ARMH3: variants seen among roughly 807,000 people sequenced by gnomAD.
ARMH3 encodes armadillo like helical domain containing 3.
Under a neutral mutation model 99.1 loss-of-function variants are expected in ARMH3, and 60 were observed. That is an observed-to-expected ratio of 0.61 (90% CI 0.49 to 0.75). The LOEUF (loss-of-function observed/expected upper bound fraction) is 0.75, where lower values mean the gene tolerates loss of function less well. Among genes scored for constraint, ARMH3 ranks in the 30% least tolerant of loss-of-function variants. ARMH3 has a pLI of 0.00. For synonymous variants in ARMH3, 285 were observed against 292.8 expected, an observed-to-expected ratio of 0.97 and a Z score of 0.27; for missense variants, 679 against 843.1, an observed-to-expected ratio of 0.81 and a Z score of 2.41.
In ARMH3 at chr10:101,986,188, T is replaced by C. The variant is rs74789021; in HGVS notation, c.1406+4363A>G. Among the ~76,000 whole-genome samples the C allele has an allele frequency of 9.3e-3, 1,418 of 152,304 alleles. 17 individuals carry two copies. The highest frequency in any genetic ancestry group is 0.032 in the African/African-American group (1,346 of 41,570). On this transcript the variant is annotated intron_variant, in intron 19 of 25. Coordinates refer to ENST00000370033, the MANE Select transcript of ARMH3 (RefSeq NM_024541.3). Reference sequence around the variant, plus strand: ...ATGAGTTCCACTTTCTCCTGAAATCTTCCTGTAGGACCCACTGAAGTCTGT... The same window carrying C: ...ATGAGTTCCACTTTCTCCTGAAATCCTCCTGTAGGACCCACTGAAGTCTGT...
intron 24 of ARMH3, among the ~76,000 whole-genome samples, chr10:101,877,740 T>A (rs2067305084): frequency 6.6e-6 from 1 of 152,136 alleles, no homozygotes; most frequent in Non-Finnish European, 1.5e-5. Context: ...GCACTGCCAA[T>A]GAAGCTTCAC....
chr10:101,960,889 CAA>C (rs36000408), intron 20 of ARMH3, among the ~76,000 whole-genome samples: 29 of 74,532 alleles, frequency 3.9e-4, no homozygotes, highest in African/African-American at 4.5e-4. Flanking sequence ...AACTCCGTCT[CAA>C]AAAAAAAAAA....
At chr10:101,956,543 T>G in intron 22 of ARMH3, 54 bp downstream of exon 22, 1 of 1,588,690 alleles carries the variant, frequency 6.3e-7, no homozygotes. Context: ...TCCTCTTATA[T>G]GCCAAAAGCT....
intron 19 of ARMH3, among the ~76,000 whole-genome samples, chr10:101,984,587 A>G (rs1017765717): frequency 1.3e-5 from 2 of 152,208 alleles, no homozygotes; most frequent in Non-Finnish European, 2.9e-5. Flanking sequence ...CAGAGCACCA[A>G]TGAGATGCGA....
intron 22 of ARMH3, among the ~76,000 whole-genome samples, chr10:101,955,724 C>G (rs1033956413): frequency 1.3e-5 from 2 of 151,948 alleles, no homozygotes; most frequent in Admixed American, 1.3e-4. Context: ...CAGTGGTTGC[C>G]CAGGGATGAG....
intron 1 of ARMH3, among the ~76,000 whole-genome samples, chr10:102,055,877 T>C (rs1382837382): frequency 6.6e-6 from 1 of 152,182 alleles, no homozygotes; most frequent in South Asian, 2.1e-4. Context: ...CGTTTCTCTC[T>C]AGGCTCGGCC....
rs1172398707 is a variant in ARMH3 at position 101,897,259 on chromosome 10, C to T, written c.1782-7769G>A. The stretch of plus-strand genomic sequence containing the variant: ...ACCTCTAGCTTCTCTGAAACTTGAA[C>T]TAAAAGCTCCAAGACAGCAGGTACC... On this transcript the variant is annotated intron_variant, in intron 23 of 25. Transcript: ENST00000370033. Among the ~76,000 whole-genome samples the T allele has an allele frequency of 3.9e-5, 6 of 152,206 alleles. No individual in the cohort carries two copies. In the East Asian group the frequency reaches 1.2e-3, roughly 29 times the overall value.
intron 24 of ARMH3, among the ~76,000 whole-genome samples, chr10:101,871,025 A>G (rs2067119736): frequency 6.6e-6 from 1 of 152,210 alleles, no homozygotes; most frequent in Admixed American, 6.5e-5. Context: ...AAAAAAGTCA[A>G]TTAAAAAACA....
chr10:101,939,479 A>G (rs905099973), intron 23 of ARMH3, among the ~76,000 whole-genome samples: 3 of 152,242 alleles, frequency 2.0e-5, no homozygotes, highest in African/African-American at 7.2e-5. Flanking sequence ...AGAAATAGTC[A>G]CGTAAAGTAA....
At chr10:102,039,699 A>C (rs948683019) in intron 2 of ARMH3, among the ~76,000 whole-genome samples, 13 of 152,234 alleles carry the variant, frequency 8.5e-5, no homozygotes, top group Non-Finnish European at 1.6e-4. Flanking sequence ...CCTAAGTTAG[A>C]GCATAAGGAG....
At chr10:101,940,915 G>C (rs960806660) in intron 22 of ARMH3, among the ~76,000 whole-genome samples, 9 of 152,160 alleles carry the variant, frequency 5.9e-5, no homozygotes, top group Non-Finnish European at 1.3e-4. Context: ...AGTGCTCCTT[G>C]AAAGAGCAAG....
intron 22 of ARMH3, 27 bp downstream of exon 22, chr10:101,956,570 G>A (rs1321360121): frequency 6.2e-7 from 1 of 1,610,304 alleles, no homozygotes. Context: ...ATGGTGGAGA[G>A]AGGAGTAAAA....
chr10:101,966,285 GTTTTTTTTTTTTTT>G (rs34196495), intron 20 of ARMH3, among the ~76,000 whole-genome samples: 4 of 80,660 alleles, frequency 5.0e-5, no homozygotes, highest in South Asian at 8.2e-4. Flanking sequence ...TTTGGTTTGG[GTTTTTTTTTTTTTT>G]TTTTTTTTTT....
intron 5 of ARMH3, among the ~76,000 whole-genome samples, chr10:102,027,545 G>C (rs888001554): frequency 2.0e-5 from 3 of 151,996 alleles, no homozygotes; most frequent in Admixed American, 1.3e-4. Flanking sequence ...CTCCATTCTG[G>C]ATATATCAAG....
chr10:101,976,936 A>C (rs144422112), intron 19 of ARMH3, among the ~76,000 whole-genome samples: 234 of 152,288 alleles, frequency 1.5e-3, no homozygotes, highest in African/African-American at 5.2e-3. Flanking sequence ...TACAGGCACG[A>C]GCCACCATGC....
intron 23 of ARMH3, among the ~76,000 whole-genome samples, chr10:101,910,898 G>C (rs894577176): frequency 1.3e-5 from 2 of 151,758 alleles, no homozygotes; most frequent in African/African-American, 4.8e-5. Flanking sequence ...CCAGCACTTT[G>C]GGAGGCCAAG....
intron 23 of ARMH3, among the ~76,000 whole-genome samples, chr10:101,895,428 C>T (rs544729587): frequency 1.1e-4 from 17 of 151,904 alleles, no homozygotes; most frequent in Non-Finnish European, 2.4e-4. Flanking sequence ...TACAGGCGCC[C>T]GCCACCACGC....
intron 3 of ARMH3, 27 bp from the exon 4 acceptor site, chr10:102,033,199 A>G (rs770300658): frequency 4.2e-5 from 68 of 1,614,032 alleles, no homozygotes; most frequent in Non-Finnish European, 5.6e-5. Context: ...TAAGGGGCAG[A>G]GTGCATTTTT....
At chr10:101,925,706 C>A (rs1344388655) in intron 23 of ARMH3, among the ~76,000 whole-genome samples, 1 of 152,018 alleles carries the variant, frequency 6.6e-6, no homozygotes, top group East Asian at 1.9e-4. Flanking sequence ...GACAGGAGTT[C>A]GAGACCAGCC....
Sources: gnomAD v4.1 joint callset for allele counts (sites outside exome capture counted in the v4.1 genomes callset) on GRCh38, gnomAD v4.1.1 for gene constraint, MANE v1.5 for transcripts, NCBI Gene and HGNC (gene_info 2026-07-23, HGNC 2026-07-21) for gene names.